UBR2: variants seen among roughly 807,000 people sequenced by gnomAD.
UBR2 encodes ubiquitin protein ligase E3 component n-recognin 2, also known as E3 ubiquitin-protein ligase UBR2.
A neutral mutation model predicts 247.9 loss-of-function variants in UBR2; 92 were observed. The ratio of observed to expected loss-of-function variants is 0.37; its 90% CI spans 0.31 to 0.44. The LOEUF is 0.44. Among genes scored for constraint, UBR2 ranks in the 20% least tolerant of loss-of-function variants. The probability of loss-of-function intolerance (pLI) is 1.00; values close to 1 mark genes in which losing one functional copy is unlikely to be tolerated. For missense variants in UBR2, 1,613 were observed against 2,112.6 expected (o/e 0.76, Z 4.64); for synonymous variants, 672 against 693.5 (o/e 0.97, Z 0.49).
In UBR2 at chr6:42,650,294, T is replaced by A. The variant is rs776431356; in HGVS notation, c.2473T>A (p.Leu825Ile). The A allele has an allele frequency of 6.2e-7, 1 of 1,613,404 alleles. No homozygotes were observed. The highest frequency in any genetic ancestry group is 8.5e-7 in the Non-Finnish European group (1 of 1,179,638). ...EAVAHFKKPGLTGRGMYELKP... is the reference protein window; with the variant it reads ...EAVAHFKKPGITGRGMYELKP... ...TCCTTTCTTTCACAGGAAACCTGGA[T>A]TAACAGGACGAGGCATGTATGAACT... is the stretch of plus-strand genomic sequence containing the variant. Residue 825 changes from leucine to isoleucine, a missense_variant, in exon 23 of 47, where the codon TTA becomes ATA. Physicochemically the swap from Leu to Ile is conservative, Grantham distance 5. Coordinates refer to ENST00000372901, the MANE Select transcript of UBR2 (RefSeq NM_001363705.2).
intron 2 of UBR2, among the ~76,000 whole-genome samples, chr6:42,587,942 A>G (rs1397881136): frequency 6.6e-6 from 1 of 152,044 alleles, no homozygotes; most frequent in Non-Finnish European, 1.5e-5. Context: ...TTCTGACACC[A>G]GGTATGTGGG....
intron 11 of UBR2, among the ~76,000 whole-genome samples, chr6:42,624,937 AGTTTTATAAAGGC>A (rs1795238835): frequency 6.6e-6 from 1 of 152,198 alleles, no homozygotes; most frequent in Non-Finnish European, 1.5e-5. Context: ...GACTTTCATT[AGTTTTATAAAGGC>A]AGTTTCCTTT....
rs1282247872 is a variant in UBR2 at position 42,692,028 on chromosome 6, T to C, written c.*855T>C. Reference sequence around the variant, plus strand: ...TTGTTTGGGCTGTGGTTGGCATAAGTGATATTTATTTTGGCCTCTGTCACA... The same window carrying C: ...TTGTTTGGGCTGTGGTTGGCATAAGCGATATTTATTTTGGCCTCTGTCACA... On this transcript the variant is annotated 3_prime_UTR_variant, in exon 47 of 47. Transcript: ENST00000372901. The C allele has an allele frequency of 6.6e-6, 1 of 152,120 alleles. No homozygotes were observed. The highest frequency in any genetic ancestry group is 2.4e-5 in the African/African-American group (1 of 41,426). 9.4% of individuals were successfully genotyped at this position (152,120 alleles called of 1,614,324 possible).
chr6:42,678,738 A>C, intron 41 of UBR2, 69 bp downstream of exon 41: 1 of 1,520,682 alleles, frequency 6.6e-7, no homozygotes, highest in South Asian at 1.3e-5. Context: ...TATAAAGATC[A>C]CTTGCAAAAA....
At chr6:42,647,003 G>T (rs1796804233) in intron 21 of UBR2, among the ~76,000 whole-genome samples, 1 of 151,564 alleles carries the variant, frequency 6.6e-6, no homozygotes, top group Non-Finnish European at 1.5e-5. Context: ...TGTGTTTTTA[G>T]TAGAGATGGG....
intron 15 of UBR2, among the ~76,000 whole-genome samples, chr6:42,637,638 T>C (rs1582611056): frequency 6.6e-6 from 1 of 152,214 alleles, no homozygotes; most frequent in Non-Finnish European, 1.5e-5. Context: ...CTCCTTTTTT[T>C]CCTCTCCCTC....
intron 1 of UBR2, among the ~76,000 whole-genome samples, chr6:42,567,683 C>T (rs1448030144): frequency 2.0e-5 from 3 of 152,114 alleles, no homozygotes; most frequent in Non-Finnish European, 2.9e-5. Flanking sequence ...GAGCCGAGAT[C>T]GCGCCACTGC....
chr6:42,638,242 G>A lies in UBR2; in HGVS notation c.1858+1048G>A, dbSNP rs114871737. Among the ~76,000 whole-genome samples, 688 of 152,206 alleles carry A rather than the reference G, an allele frequency of 4.5e-3. 3 individuals are homozygous for A. Among genetic ancestry groups the A allele is most frequent in the African/African-American group, 0.014 (567 of 41,544 alleles). On this transcript the variant is annotated intron_variant, in intron 15 of 46. Coordinates refer to ENST00000372901, the MANE Select transcript of UBR2 (RefSeq NM_001363705.2). ...GAGTTTTGGTAGTCTGTGTCTTTCA[G>A]GGAATTGATCCATTTCATCTAAGTT...
At chr6:42,627,345 G>A (rs1795417833) in intron 11 of UBR2, among the ~76,000 whole-genome samples, 1 of 152,124 alleles carries the variant, frequency 6.6e-6, no homozygotes, top group East Asian at 1.9e-4. Context: ...AAGTGGGGGA[G>A]GTTAGTGATA....
At chr6:42,678,391 T>C in intron 40 of UBR2, 148 bp from the exon 41 acceptor site, 2 of 774,156 alleles carry the variant, frequency 2.6e-6, no homozygotes, top group African/African-American at 3.5e-5. Flanking sequence ...TGGCATCCTA[T>C]AATAACACAC....
At chr6:42,670,049 T>G (rs372911352) in intron 34 of UBR2, 43 bp from the exon 35 acceptor site, 3 of 1,603,586 alleles carry the variant, frequency 1.9e-6, no homozygotes, top group African/African-American at 1.3e-5. Flanking sequence ...TTGATTGATA[T>G]GTGCACATTG....
In UBR2 at chr6:42,659,542, CACA is replaced by C; in HGVS notation, c.3243-113_3243-111del. 1 of 705,252 alleles carries C rather than the reference CACA, an allele frequency of 1.4e-6. No individual in the cohort carries two copies. The highest frequency in any genetic ancestry group is 2.3e-6 in the Non-Finnish European group (1 of 427,674). 43.7% of individuals were successfully genotyped at this position (705,252 alleles called of 1,614,324 possible). On this transcript the variant is annotated intron_variant, in intron 29 of 46. Coordinates refer to ENST00000372901, the MANE Select transcript of UBR2 (RefSeq NM_001363705.2). The surrounding 1 kb of genome is among the most constrained non-coding windows in gnomAD (Gnocchi z 4.3). ...ATATACACACACACACACACACACA[CACA>C]CACACACACACACACACTACACACA...
intron 34 of UBR2, among the ~76,000 whole-genome samples, chr6:42,667,976 C>G (rs1236562069): frequency 6.6e-6 from 1 of 151,974 alleles, no homozygotes; most frequent in African/African-American, 2.4e-5. Context: ...CCAGGCTGGT[C>G]TCAAACTCCT....
At chr6:42,578,961 A>AAACACACACACACACT (rs1791694799) in intron 2 of UBR2, among the ~76,000 whole-genome samples, 2 of 105,230 alleles carry the variant, frequency 1.9e-5, no homozygotes, top group African/African-American at 8.6e-5. Context: ...TCTCAAAAAC[A>AAACACACACACACACT]CACACACACA....
chr6:42,632,958 C>CTTTTTTTTT (rs34284200), intron 13 of UBR2, 54 bp downstream of exon 13: 5 of 647,128 alleles, frequency 7.7e-6, no homozygotes, highest in South Asian at 7.7e-5. Context: ...TCTCTTTTCT[C>CTTTTTTTTT]TTTTTTTTTT....
In UBR2 at chr6:42,632,056, T is replaced by TAAA. The variant is rs1296746615; in HGVS notation, c.1282-484_1282-482dup. On this transcript the variant is annotated intron_variant, in intron 11 of 46. Coordinates refer to ENST00000372901, the MANE Select transcript of UBR2 (RefSeq NM_001363705.2). ...TATGATTTACATGTATTTGCTTATTTAAAAAAAAAAAAAATATATATATAT... is the reference window on the plus strand; with the variant it reads ...TATGATTTACATGTATTTGCTTATTTAAAAAAAAAAAAAAAAATATATATATAT... Among the ~76,000 whole-genome samples the TAAA allele has an allele frequency of 2.5e-3, 321 of 126,912 alleles. 1 individual carries two copies. Among genetic ancestry groups the TAAA allele is most frequent in the African/African-American group, 6.1e-3 (198 of 32,292 alleles). 83.3% of individuals were successfully genotyped at this position (126,912 alleles called of 152,430 possible).
intron 1 of UBR2, among the ~76,000 whole-genome samples, chr6:42,570,336 G>A (rs187956466): frequency 7.2e-5 from 11 of 152,264 alleles, no homozygotes; most frequent in South Asian, 2.1e-4. Flanking sequence ...GAGGTCAAGC[G>A]ATTCTTTTGC....
At chr6:42,584,224 G>A (rs1792104951) in intron 2 of UBR2, among the ~76,000 whole-genome samples, 2 of 151,994 alleles carry the variant, frequency 1.3e-5, no homozygotes, top group South Asian at 2.1e-4. Flanking sequence ...TCAAACTCCC[G>A]ACCTCAGGTG....
Position 42,689,282 on chromosome 6 carries a change from C to G in UBR2, c.5025-287C>G, listed in dbSNP as rs1046573714. Among the ~76,000 whole-genome samples, 1 of 152,120 alleles carries G rather than the reference C, an allele frequency of 6.6e-6. No homozygotes were observed. The highest frequency in any genetic ancestry group is 2.4e-5 in the African/African-American group (1 of 41,414). On this transcript the variant is annotated intron_variant, in intron 45 of 46. Transcript: ENST00000372901. This position sits in a 1 kb window ranked among gnomAD's most constrained non-coding sequence, Gnocchi z 4.0. ...GTTGTATCCATAGCTTAGTCATCCC[C>G]CCAGTACCTTGATAATTTCTTATAC...
Sources: gnomAD v4.1 joint callset for allele counts (sites outside exome capture counted in the v4.1 genomes callset) on GRCh38, gnomAD v4.1.1 for gene constraint, Gnocchi (gnomAD v3.1) non-coding constraint, MANE v1.5 for transcripts, NCBI Gene and HGNC (gene_info 2026-07-23, HGNC 2026-07-21) for gene names.